PDGFC: variants seen among roughly 807,000 people sequenced by gnomAD.
PDGFC encodes the protein platelet-derived growth factor C.
PDGFC carries 12 observed loss-of-function variants against 35.5 expected under a neutral mutation model. That is an observed-to-expected ratio of 0.34 (90% CI 0.22 to 0.55). PDGFC has a LOEUF of 0.55. Among genes scored for constraint, PDGFC ranks in the 20% least tolerant of loss-of-function variants. PDGFC has a pLI of 0.91. For missense variants in PDGFC, 322 were observed against 412.4 expected, an observed-to-expected ratio of 0.78 and a Z score of 1.90; for synonymous variants, 159 against 148.8, an observed-to-expected ratio of 1.07 and a Z score of -0.50.
intron 3 of PDGFC, among the ~76,000 whole-genome samples, chr4:156,778,794 T>C (rs369209471): frequency 3.9e-5 from 6 of 152,212 alleles, no homozygotes; most frequent in South Asian, 4.1e-4. Context: ...TTGAGTAGCA[T>C]AGCAACTGTT....
intron 1 of PDGFC, among the ~76,000 whole-genome samples, chr4:156,957,443 T>C (rs1040782323): frequency 6.6e-6 from 1 of 151,990 alleles, no homozygotes; most frequent in African/African-American, 2.4e-5. Context: ...TTTCAGTCTC[T>C]GCTGTATTTT....
intron 1 of PDGFC, among the ~76,000 whole-genome samples, chr4:156,943,565 G>A (rs1161885353): frequency 2.0e-5 from 3 of 152,022 alleles, no homozygotes; most frequent in Non-Finnish European, 4.4e-5. Context: ...GTTCTCCTGT[G>A]GAGCTACATT....
chr4:156,852,336 T>G (rs1393351958), intron 1 of PDGFC, among the ~76,000 whole-genome samples: 2 of 152,200 alleles, frequency 1.3e-5, no homozygotes, highest in Non-Finnish European at 2.9e-5. Context: ...TAACAGAGTT[T>G]ACTAAGTCCT....
chr4:156,791,395 G>C (rs1381149617), intron 3 of PDGFC, among the ~76,000 whole-genome samples: 1 of 152,020 alleles, frequency 6.6e-6, no homozygotes, highest in Non-Finnish European at 1.5e-5. Context: ...TGGAAACTCA[G>C]AAATGATTAT....
At chr4:156,859,963 A>G (rs1729671545) in intron 1 of PDGFC, among the ~76,000 whole-genome samples, 1 of 152,154 alleles carries the variant, frequency 6.6e-6, no homozygotes, top group Non-Finnish European at 1.5e-5. Flanking sequence ...CTTGACTGTA[A>G]CAACTAGCAA....
intron 1 of PDGFC, among the ~76,000 whole-genome samples, chr4:156,851,930 C>CAAAAAAAAAAAAAAAAAAAAAAAAAAA (rs61505882): frequency 1.3e-4 from 6 of 47,854 alleles, no homozygotes; most frequent in African/African-American, 2.7e-4. Context: ...GACTCCATCT[C>CAAAAAAAAAAAAAAAAAAAAAAAAAAA]AAAAAAAAAA....
At chr4:156,829,305 T>C (rs979709827) in intron 2 of PDGFC, among the ~76,000 whole-genome samples, 4 of 152,094 alleles carry the variant, frequency 2.6e-5, no homozygotes, top group South Asian at 2.1e-4. Context: ...ACAAAACAAA[T>C]ATCTTCACAT....
chr4:156,851,209 C>G (rs1729444002), intron 1 of PDGFC, among the ~76,000 whole-genome samples: 1 of 151,694 alleles, frequency 6.6e-6, no homozygotes, highest in Non-Finnish European at 1.5e-5. Flanking sequence ...TTAAATGACT[C>G]TGAAAAGTAA....
At chr4:156,959,755 T>C (rs1732296114) in intron 1 of PDGFC, among the ~76,000 whole-genome samples, 1 of 152,000 alleles carries the variant, frequency 6.6e-6, no homozygotes, top group African/African-American at 2.4e-5. Context: ...CTACGGTAGG[T>C]TGGCCACTTA....
chr4:156,802,529 A>C (rs931855049), intron 3 of PDGFC, among the ~76,000 whole-genome samples: 1 of 150,804 alleles, frequency 6.6e-6, no homozygotes, highest in African/African-American at 2.5e-5. Flanking sequence ...GGTATGGAGA[A>C]GGTAGAGTAG....
At chr4:156,950,154 T>C (rs1369378104) in intron 1 of PDGFC, among the ~76,000 whole-genome samples, 1 of 151,914 alleles carries the variant, frequency 6.6e-6, no homozygotes, top group African/African-American at 2.4e-5. Context: ...ATAAACAGAT[T>C]TGGGAAAAGT....
chr4:156,789,861 C>T (rs749348820), intron 3 of PDGFC, among the ~76,000 whole-genome samples: 8 of 150,364 alleles, frequency 5.3e-5, no homozygotes, highest in Non-Finnish European at 1.0e-4. Context: ...CCTGTAGTTC[C>T]AGATACTCAG....
chr4:156,841,502 GT>G (rs563021439), intron 2 of PDGFC: 6,856 of 139,058 alleles, frequency 0.049, 487 homozygotes, highest in African/African-American at 0.16. Flanking sequence ...GTCTCAGGCA[GT>G]TTTTTTTTTT....
At chr4:156,811,764 AGTG>A (rs1350267819) in intron 2 of PDGFC, among the ~76,000 whole-genome samples, 2 of 152,120 alleles carry the variant, frequency 1.3e-5, no homozygotes, top group Admixed American at 1.3e-4. Flanking sequence ...GGTTTGGATC[AGTG>A]GTGTTCACTG....
At chr4:156,795,049 T>C (rs986888958) in intron 3 of PDGFC, among the ~76,000 whole-genome samples, 2 of 152,230 alleles carry the variant, frequency 1.3e-5, no homozygotes. Context: ...TGAACACTAC[T>C]GCTTACTGGC....
intron 1 of PDGFC, among the ~76,000 whole-genome samples, chr4:156,899,962 T>C (rs1183554300): frequency 6.6e-6 from 1 of 152,238 alleles, no homozygotes; most frequent in Non-Finnish European, 1.5e-5. Context: ...TGAAACCTTC[T>C]ACTCTTCTGG....
At chr4:156,793,728 T>C (rs1230431640) in intron 3 of PDGFC, among the ~76,000 whole-genome samples, 2 of 151,648 alleles carry the variant, frequency 1.3e-5, no homozygotes, top group Non-Finnish European at 2.9e-5. Context: ...AGGTAACACA[T>C]ACTTGTTGAC....
chr4:156,900,050 AAAGT>A (rs1253606120), intron 1 of PDGFC, among the ~76,000 whole-genome samples: 1 of 152,210 alleles, frequency 6.6e-6, no homozygotes, highest in Non-Finnish European at 1.5e-5. Flanking sequence ...CATCTATATT[AAAGT>A]AATAAACAGA....
chr4:156,926,104 C>G (rs539430471), intron 1 of PDGFC, among the ~76,000 whole-genome samples: 1 of 143,324 alleles, frequency 7.0e-6, no homozygotes, highest in African/African-American at 2.5e-5. Flanking sequence ...CTACACTACA[C>G]TATTGACTAA....
Sources: gnomAD v4.1 joint callset for allele counts (sites outside exome capture counted in the v4.1 genomes callset) on GRCh38, gnomAD v4.1.1 for gene constraint, MANE v1.5 for transcripts, NCBI Gene and HGNC (gene_info 2026-07-23, HGNC 2026-07-21) for gene names.